The following FUBP3 variants were observed in gnomAD, a reference collection of about 807,000 sequenced individuals.
FUBP3 encodes far upstream element binding protein 3, also known as far upstream element-binding protein 3.
Under a neutral mutation model 85.6 loss-of-function variants are expected in FUBP3, and 28 were observed. The ratio of observed to expected loss-of-function variants is 0.33; its 90% CI spans 0.24 to 0.45. FUBP3 has a LOEUF of 0.45. Among genes scored for constraint, FUBP3 ranks in the 20% least tolerant of loss-of-function variants. The pLI is 1.00. For synonymous variants in FUBP3, 271 were observed against 271.4 expected, an observed-to-expected ratio of 1.00 and a Z score of 0.01; for missense variants, 583 against 755.1, an observed-to-expected ratio of 0.77 and a Z score of 2.67.
intron 5 of FUBP3, 77 bp from the exon 6 acceptor site, chr9:130,614,211 T>C: frequency 1.1e-6 from 1 of 890,126 alleles, no homozygotes; most frequent in Non-Finnish European, 1.9e-6. Context: ...GAAGCAGCCC[T>C]AGAGAGCCTT....
intron 2 of FUBP3, among the ~76,000 whole-genome samples, chr9:130,606,550 G>A (rs760977114): frequency 1.3e-5 from 2 of 152,070 alleles, no homozygotes; most frequent in Non-Finnish European, 2.9e-5. Context: ...GCCGGGCGCG[G>A]TGGCTCACGC....
chr9:130,608,794 C>T (rs1390398463), intron 2 of FUBP3, among the ~76,000 whole-genome samples: 1 of 152,080 alleles, frequency 6.6e-6, no homozygotes. Context: ...CATTGTTTTG[C>T]TTTGCTTTTT....
intron 2 of FUBP3, among the ~76,000 whole-genome samples, chr9:130,605,843 G>C (rs1197000946): frequency 1.3e-5 from 2 of 152,188 alleles, no homozygotes; most frequent in African/African-American, 4.8e-5. Flanking sequence ...AATTAGCCAG[G>C]CATGGCGGCA....
chr9:130,633,171 C>G (rs931786787), intron 16 of FUBP3, among the ~76,000 whole-genome samples: 1 of 152,244 alleles, frequency 6.6e-6, no homozygotes, highest in African/African-American at 2.4e-5. Flanking sequence ...CATGTAAAAT[C>G]AAGGGTTTGG....
At chr9:130,590,395 A>G (rs1415610831) in intron 1 of FUBP3, among the ~76,000 whole-genome samples, 1 of 152,182 alleles carries the variant, frequency 6.6e-6, no homozygotes, top group East Asian at 1.9e-4. Flanking sequence ...CTGAGTTTCC[A>G]CTAACTACTG....
At chr9:130,583,148 A>AT (rs1421767230) in intron 1 of FUBP3, among the ~76,000 whole-genome samples, 1 of 152,198 alleles carries the variant, frequency 6.6e-6, no homozygotes, top group Admixed American at 6.5e-5. Context: ...CTTTTGACAG[A>AT]TTTTTAGGCC....
chr9:130,632,250 G>T lies in FUBP3; in HGVS notation c.1482G>T (p.Ala494=). The T allele has an allele frequency of 2.5e-6, 4 of 1,613,900 alleles. No homozygotes were observed. The highest frequency in any genetic ancestry group is 1.3e-5 in the African/African-American group (1 of 75,054). Residue 494 remains alanine (A), a synonymous_variant, in exon 16 of 19, where the codon GCG becomes GCT. Coordinates refer to ENST00000319725, the MANE Select transcript of FUBP3 (RefSeq NM_003934.2). ...LTQGWGSTYQ[A]WQQPTQQVPS... is the part of the protein sequence containing the mutation. ...AGGGCTGGGGCAGCACCTACCAGGC[G>T]TGGCAGCAGCCCACACAGCAGGTCC...
chr9:130,636,521 G>A (rs1023030071), intron 18 of FUBP3, among the ~76,000 whole-genome samples: 3 of 152,246 alleles, frequency 2.0e-5, no homozygotes, highest in Admixed American at 6.5e-5. Context: ...TGGCCAGGCC[G>A]TCAGCCATGC....
intron 2 of FUBP3, 151 bp from the exon 3 acceptor site, chr9:130,609,803 G>T (rs571704147): frequency 1.5e-6 from 1 of 658,770 alleles, no homozygotes; most frequent in Non-Finnish European, 2.7e-6. Context: ...ATCATATAAC[G>T]CATTCATTTC....
chr9:130,584,308 A>G (rs1231913213), intron 1 of FUBP3, among the ~76,000 whole-genome samples: 1 of 151,984 alleles, frequency 6.6e-6, no homozygotes, highest in African/African-American at 2.4e-5. Context: ...TGGGCGGATC[A>G]CTTGAACTCA....
chr9:130,603,548 T>C (rs941994567), intron 2 of FUBP3, among the ~76,000 whole-genome samples: 6 of 152,066 alleles, frequency 3.9e-5, no homozygotes, highest in African/African-American at 1.4e-4. Context: ...TACATACATA[T>C]GTGTAAGTTG....
intron 2 of FUBP3, among the ~76,000 whole-genome samples, chr9:130,604,133 C>T (rs750362998): frequency 1.1e-4 from 16 of 152,068 alleles, no homozygotes; most frequent in Non-Finnish European, 1.6e-4. Context: ...GAAACCAATC[C>T]CAAAAAACTA....
At chr9:130,628,411 C>T (rs1588162668) in intron 12 of FUBP3, among the ~76,000 whole-genome samples, 1 of 152,226 alleles carries the variant, frequency 6.6e-6, no homozygotes, top group Non-Finnish European at 1.5e-5. Context: ...ACTTCTGCCC[C>T]CCATCAGGTA....
chr9:130,631,330 G>T, intron 13 of FUBP3: 2 of 1,403,458 alleles, frequency 1.4e-6, no homozygotes, highest in Non-Finnish European at 1.8e-6. Context: ...CAGGGCAGTT[G>T]TGGTGGTGCC....
chr9:130,605,941 G>A (rs1380134585), intron 2 of FUBP3, among the ~76,000 whole-genome samples: 2 of 141,382 alleles, frequency 1.4e-5, no homozygotes, highest in Non-Finnish European at 3.3e-5. Flanking sequence ...CCGAGATCGC[G>A]CCGCTGCACT....
In FUBP3 at chr9:130,626,390, A is replaced by T. The variant is rs1474697324; in HGVS notation, c.1002A>T (p.Ala334=). The T allele has an allele frequency of 1.2e-6, 2 of 1,613,778 alleles. No individual in the cohort carries two copies. Residue 334 remains alanine, a synonymous_variant, in exon 12 of 19, where the codon GCA becomes GCT. Transcript: ENST00000319725. Reference sequence around the variant, plus strand: ...AAAGAGACGGCTTTGGAGGCCTGGCAGCAGCCAGAGGAAGAGGTCGTGGCC... The same window carrying T: ...AAAGAGACGGCTTTGGAGGCCTGGCTGCAGCCAGAGGAAGAGGTCGTGGCC... The part of the protein sequence containing the change: ...AQERDGFGGL[A]AARGRGRGRG...
intron 2 of FUBP3, among the ~76,000 whole-genome samples, chr9:130,598,058 G>A (rs754187215): frequency 3.3e-5 from 5 of 152,196 alleles, no homozygotes; most frequent in East Asian, 1.9e-4. Context: ...GTGAAAATAC[G>A]CAATATAAAT....
At chr9:130,603,697 C>T (rs1831280448) in intron 2 of FUBP3, among the ~76,000 whole-genome samples, 1 of 152,172 alleles carries the variant, frequency 6.6e-6, no homozygotes, top group Non-Finnish European at 1.5e-5. Context: ...AATGTTGTGA[C>T]AAAAATATAA....
chr9:130,613,668 T>G (rs1348674240), intron 5 of FUBP3, among the ~76,000 whole-genome samples: 1 of 152,258 alleles, frequency 6.6e-6, no homozygotes, highest in Non-Finnish European at 1.5e-5. Flanking sequence ...AGATACTTAT[T>G]ACAGTGTCTT....
Sources: allele counts gnomAD v4.1 joint callset (sites outside exome capture counted in the v4.1 genomes callset), GRCh38; gene constraint gnomAD v4.1.1; transcripts MANE v1.5; gene names NCBI Gene and HGNC (gene_info 2026-07-23, HGNC 2026-07-21).